HTR5A: variants seen among roughly 807,000 people sequenced by gnomAD.
HTR5A encodes 5-hydroxytryptamine receptor 5A, also known as 5-HT-5.
Under a neutral mutation model 24.3 loss-of-function variants are expected in HTR5A, and 21 were observed. The ratio of observed to expected loss-of-function variants is 0.86; its 90% confidence interval spans 0.61 to 1.24. HTR5A has a LOEUF of 1.24. Ranked by LOEUF, HTR5A falls within the 50% of genes most tolerant of loss-of-function variation. HTR5A has a pLI of 0.00. For synonymous variants in HTR5A, 260 were observed against 213.7 expected (o/e 1.22, Z -1.89); for missense variants, 497 against 489.5 (o/e 1.02, Z -0.15).
Position 155,070,457 on chromosome 7 carries a change from G to A in HTR5A, c.-443G>A, listed in dbSNP as rs1478891469. 4 of 426,814 alleles carry A rather than the reference G, an allele frequency of 9.4e-6. No homozygotes were observed. Among genetic ancestry groups the A allele is most frequent in the Non-Finnish European group, 1.4e-5 (3 of 214,402 alleles). The allele number at this position is 426,814 out of a possible 1,614,324, so 26.4% of individuals were successfully genotyped here. The stretch of plus-strand genomic sequence containing the variant: ...AGTTAAGGCTGCAGCCGGCTGCCTA[G>A]AGAGAAGGGTGGGCAGGGAGACAAC... On this transcript the variant is annotated 5_prime_UTR_variant, in exon 1 of 2. Transcript: ENST00000287907.
At chr7:155,079,650 C>T (rs1214814367) in intron 1 of HTR5A, among the ~76,000 whole-genome samples, 2 of 152,102 alleles carry the variant, frequency 1.3e-5, no homozygotes, top group East Asian at 3.9e-4. Flanking sequence ...AAGAAAATTG[C>T]AAGACTTAGG....
chr7:155,074,219 A>G (rs1401542127), intron 1 of HTR5A, among the ~76,000 whole-genome samples: 1 of 152,162 alleles, frequency 6.6e-6, no homozygotes, highest in Non-Finnish European at 1.5e-5. Context: ...ACATGCCATG[A>G]AATCCTAACC....
chr7:155,070,391 C>T lies in HTR5A; in HGVS notation c.-509C>T, dbSNP rs1207920049. 2.2e-6 allele frequency: 1 copy of T among 455,388 alleles called. No individual in the cohort carries two copies. The highest frequency in any genetic ancestry group is 1.5e-5 in the South Asian group (1 of 64,532). 28.2% of individuals were successfully genotyped at this position (455,388 alleles called of 1,614,324 possible). ...GGGCAACAGGGACAGAAGGCAGGTC[C>T]CAGAAAGCAGGTTCCCCCAAAACTG... On this transcript the variant is annotated 5_prime_UTR_variant, in exon 1 of 2. Transcript: ENST00000287907.
At position 155,071,625 on chromosome 7, in the gene HTR5A, A is replaced by T. The variant is rs761006282; in HGVS notation, c.726A>T (p.Ile242=). 58 of 1,613,642 alleles carry T rather than the reference A, an allele frequency of 3.6e-5. No homozygotes were observed. Among genetic ancestry groups the T allele is most frequent in the Non-Finnish European group, 4.8e-5 (57 of 1,179,784 alleles). ...GGAAGACCAATAGCGTCTCACCCAT[A>T]TCCGAAGCTGTGGAGGTGGGTATCT... ...GSRKTNSVSP[I]SEAVEVKDSA... The change falls in exon 1 of 2, where the codon ATA becomes ATT. Residue 242 remains isoleucine, a synonymous_variant. Coordinates refer to ENST00000287907, the MANE Select transcript of HTR5A (RefSeq NM_024012.4).
Position 155,070,944 on chromosome 7 carries a change from C to T in HTR5A, c.45C>T (p.Pro15=), listed in dbSNP as rs371792990. 3 of 1,608,818 alleles carry T rather than the reference C, an allele frequency of 1.9e-6. No homozygotes were observed. Among genetic ancestry groups the T allele is most frequent in the South Asian group, 2.2e-5 (2 of 91,084 alleles). The change falls in exon 1 of 2, where the codon CCC becomes CCT. Residue 15 remains proline (P), a synonymous_variant. Coordinates refer to ENST00000287907, the MANE Select transcript of HTR5A (RefSeq NM_024012.4). ...VNLTSFSLST[P]SPLETNHSLG... ...TAACCTCCTTTTCCCTCTCCACCCC[C>T]TCCCCTTTGGAGACCAACCACAGCC... is the stretch of plus-strand genomic sequence containing the variant.
chr7:155,075,508 G>A (rs796377724), intron 1 of HTR5A, among the ~76,000 whole-genome samples: 7 of 152,322 alleles, frequency 4.6e-5, no homozygotes, highest in African/African-American at 1.7e-4. Flanking sequence ...CTTCTTCTTA[G>A]TTCCAGTGCC....
intron 1 of HTR5A, among the ~76,000 whole-genome samples, 173 bp downstream of exon 1, chr7:155,071,813 A>T (rs1017200204): frequency 6.6e-6 from 1 of 152,164 alleles, no homozygotes; most frequent in Non-Finnish European, 1.5e-5. Flanking sequence ...TTGCTCTGAC[A>T]TGTTCCCTCT....
Position 155,086,494 on chromosome 7 carries a change from T to C in HTR5A, c.*2007T>C, listed in dbSNP as rs1192171691. ...CCCCAGTTGGAGAACGATGTTATTA[T>C]AATATTAATTCAATCTCCAGCTGAG... On this transcript the variant is annotated 3_prime_UTR_variant, in exon 2 of 2. Transcript: ENST00000287907. Among the ~76,000 whole-genome samples the C allele has an allele frequency of 2.6e-5, 4 of 152,254 alleles. No individual in the cohort carries two copies. The highest frequency in any genetic ancestry group is 4.4e-5 in the Non-Finnish European group (3 of 68,040).
At chr7:155,073,900 T>TATGTATATATATATATAC (rs1554519644) in intron 1 of HTR5A, among the ~76,000 whole-genome samples, 300 of 22,440 alleles carry the variant, frequency 0.013, 4 homozygotes, top group African/African-American at 0.017. Flanking sequence ...TATATATATA[T>TATGTATATATATATATAC]ATATATATAT....
At chr7:155,078,693 T>C (rs1795384176) in intron 1 of HTR5A, among the ~76,000 whole-genome samples, 1 of 151,298 alleles carries the variant, frequency 6.6e-6, no homozygotes, top group Non-Finnish European at 1.5e-5. Flanking sequence ...ATATATTTTC[T>C]ATTTTTATAT....
At position 155,084,632 on chromosome 7, in the gene HTR5A, T is replaced by G. The variant is rs980442; in HGVS notation, c.*145T>G. 0.9 allele frequency: 592,716 copies of G among 661,168 alleles called. 272,829 individuals carry two copies. The highest frequency in any genetic ancestry group is 0.96 in the Non-Finnish European group (372,534 of 388,464). 41.0% of individuals were successfully genotyped at this position (661,168 alleles called of 1,614,324 possible). A position where few individuals can be genotyped will look rare whatever the true frequency, so the allele number is the denominator to read the frequency against. On this transcript the variant is annotated 3_prime_UTR_variant, in exon 2 of 2. Coordinates refer to ENST00000287907, the MANE Select transcript of HTR5A (RefSeq NM_024012.4). The stretch of plus-strand genomic sequence containing the variant: ...GGTCATCTTCAGAACTGCACTGGCC[T>G]CTTTTCCACCTCCTCAGTAGGAATA...
chr7:155,073,492 T>C (rs945964263), intron 1 of HTR5A, among the ~76,000 whole-genome samples: 3 of 152,058 alleles, frequency 2.0e-5, no homozygotes, highest in African/African-American at 7.2e-5. Flanking sequence ...ATTAGATTTC[T>C]AAGCTGAACA....
rs750963010 is a variant in HTR5A at position 155,071,304 on chromosome 7, A to T, written c.405A>T (p.Ile135=). The T allele has an allele frequency of 1.9e-6, 3 of 1,610,854 alleles. No individual in the cohort carries two copies. The highest frequency in any genetic ancestry group is 2.5e-6 in the Non-Finnish European group (3 of 1,179,994). Reference sequence around the variant, plus strand: ...CCAGCATCTGGAACGTGACGGCCATAGCCCTGGACCGCTACTGGTCCATCA... The same window carrying T: ...CCAGCATCTGGAACGTGACGGCCATTGCCCTGGACCGCTACTGGTCCATCA... ...CTASIWNVTA[I]ALDRYWSITR... is the part of the protein sequence containing the mutation. The change falls in exon 1 of 2, where the codon ATA becomes ATT. Residue 135 remains isoleucine (I), a synonymous_variant. Transcript: ENST00000287907.
rs762340285 is a variant in HTR5A at position 155,071,475 on chromosome 7, C to A, written c.576C>A (p.Cys192Ter). ...GETYSEGSEE[C>*]QVSREPSYAV... is the part of the protein sequence containing the mutation. ...CGTACTCTGAGGGCAGCGAGGAGTG[C>A]CAGGTAAGCCGCGAGCCTTCCTACG... is the stretch of plus-strand genomic sequence containing the variant. Residue 192 changes from cysteine (C) to a stop codon, truncating the protein, a stop_gained, in exon 1 of 2, where the codon TGC becomes TGA. Transcript: ENST00000287907. LOFTEE classifies it high-confidence loss of function. 10 of 1,614,064 alleles carry A rather than the reference C, an allele frequency of 6.2e-6. No individual in the cohort carries two copies. The highest frequency in any genetic ancestry group is 8.5e-6 in the Non-Finnish European group (10 of 1,180,038).
chr7:155,082,790 G>A (rs1289377272), intron 1 of HTR5A, among the ~76,000 whole-genome samples: 1 of 152,170 alleles, frequency 6.6e-6, no homozygotes, highest in African/African-American at 2.4e-5. Context: ...CCCCTCAAAT[G>A]CATTTCCAGA....
intron 1 of HTR5A, among the ~76,000 whole-genome samples, chr7:155,080,054 G>A (rs966122397): frequency 6.6e-5 from 10 of 152,176 alleles, no homozygotes; most frequent in African/African-American, 2.4e-4. Context: ...TCAAGCCAAT[G>A]CCTTATAGAA....
intron 1 of HTR5A, among the ~76,000 whole-genome samples, chr7:155,072,758 G>T (rs929944191): frequency 6.6e-6 from 1 of 152,180 alleles, no homozygotes; most frequent in Non-Finnish European, 1.5e-5. Context: ...CCCATGAAGA[G>T]TGTGGTCTAG....
chr7:155,076,229 C>T (rs991784833), intron 1 of HTR5A, among the ~76,000 whole-genome samples: 2 of 152,100 alleles, frequency 1.3e-5, no homozygotes, highest in Non-Finnish European at 2.9e-5. Context: ...CTGGAGGTTC[C>T]CTGGAGGACC....
At position 155,085,222 on chromosome 7, in the gene HTR5A, T is replaced by C. The variant is rs940355449; in HGVS notation, c.*735T>C. ...CTGAGGGTAACTACTTCCTTTCATT[T>C]TGAAGCAACAGTTTATAAACAGGAA... is the stretch of plus-strand genomic sequence containing the variant. On this transcript the variant is annotated 3_prime_UTR_variant, in exon 2 of 2. Coordinates refer to ENST00000287907, the MANE Select transcript of HTR5A (RefSeq NM_024012.4). The C allele has an allele frequency of 6.6e-6, 1 of 152,262 alleles. No homozygotes were observed. Among genetic ancestry groups the C allele is most frequent in the Admixed American group, 6.5e-5 (1 of 15,288 alleles). 9.4% of individuals were successfully genotyped at this position (152,262 alleles called of 1,614,324 possible). A position where few individuals can be genotyped will look rare whatever the true frequency, so the allele number is the denominator to read the frequency against.
Sources: allele counts gnomAD v4.1 joint callset (sites outside exome capture counted in the v4.1 genomes callset), GRCh38; gene constraint gnomAD v4.1.1; transcripts MANE v1.5; gene names NCBI Gene and HGNC (gene_info 2026-07-23, HGNC 2026-07-21).